Variants in MBOAT2 observed in about 807,000 individuals in gnomAD.
The protein encoded by MBOAT2 is membrane-bound glycerophospholipid O-acyltransferase 2.
MBOAT2 carries 28 observed loss-of-function variants against 63.4 expected under a neutral mutation model. That is an observed-to-expected ratio of 0.44 (90% confidence interval 0.33 to 0.61). The LOEUF is 0.61. Ranked by LOEUF, MBOAT2 falls within the 20% of genes least tolerant of loss-of-function variation. MBOAT2 has a pLI of 0.03. For missense variants in MBOAT2, 470 were observed against 605.8 expected (o/e 0.78, Z 2.35); for synonymous variants, 211 against 215.6 (o/e 0.98, Z 0.19).
intron 1 of MBOAT2, chr2:8,974,358 C>T (rs2103318766): frequency 2.2e-6 from 1 of 456,442 alleles, no homozygotes; most frequent in South Asian, 1.6e-5. Flanking sequence ...AAGATACTTG[C>T]TTTTCGCCTG....
At chr2:8,934,115 T>G (rs546924362) in intron 3 of MBOAT2, among the ~76,000 whole-genome samples, 1 of 152,336 alleles carries the variant, frequency 6.6e-6, no homozygotes, top group South Asian at 2.1e-4. Context: ...TATTACCTAT[T>G]ACCAAGTAAC....
At chr2:8,943,432 C>T (rs1668189266) in intron 2 of MBOAT2, among the ~76,000 whole-genome samples, 168 bp from the exon 3 acceptor site, 1 of 152,174 alleles carries the variant, frequency 6.6e-6, no homozygotes, top group Non-Finnish European at 1.5e-5. Context: ...AAGAGAGAGT[C>T]CCATACCACA....
chr2:8,883,890 A>T (rs1663334425), intron 5 of MBOAT2, among the ~76,000 whole-genome samples: 1 of 152,050 alleles, frequency 6.6e-6, no homozygotes, highest in African/African-American at 2.4e-5. Flanking sequence ...ATGTAAAAAG[A>T]AAACCATGCC....
At chr2:8,995,570 A>G (rs1355914866) in intron 1 of MBOAT2, among the ~76,000 whole-genome samples, 3 of 150,294 alleles carry the variant, frequency 2.0e-5, no homozygotes, top group Non-Finnish European at 4.4e-5. Flanking sequence ...AAATATAAAC[A>G]TTTTTTAAAA....
At chr2:8,994,695 G>A (rs1004133144) in intron 1 of MBOAT2, among the ~76,000 whole-genome samples, 1 of 152,206 alleles carries the variant, frequency 6.6e-6, no homozygotes, top group African/African-American at 2.4e-5. Flanking sequence ...CAAATACTTA[G>A]GGCATGTAGG....
At chr2:8,956,959 G>A (rs1669272333) in intron 2 of MBOAT2, among the ~76,000 whole-genome samples, 1 of 152,200 alleles carries the variant, frequency 6.6e-6, no homozygotes, top group South Asian at 2.1e-4. Context: ...AGACCACAGA[G>A]TGAATGGTGT....
At chr2:8,985,378 G>C (rs994818637) in intron 1 of MBOAT2, among the ~76,000 whole-genome samples, 1 of 152,102 alleles carries the variant, frequency 6.6e-6, no homozygotes, top group Non-Finnish European at 1.5e-5. Context: ...ATTCTTTAAA[G>C]ATAAAATGTG....
At chr2:8,955,175 A>T (rs930127147) in intron 2 of MBOAT2, among the ~76,000 whole-genome samples, 2 of 152,198 alleles carry the variant, frequency 1.3e-5, no homozygotes, top group African/African-American at 4.8e-5. Flanking sequence ...CTGCTGAGTC[A>T]CCAAGGAATG....
intron 2 of MBOAT2, among the ~76,000 whole-genome samples, chr2:8,946,891 C>T (rs1668456710): frequency 6.6e-6 from 1 of 152,140 alleles, no homozygotes; most frequent in South Asian, 2.1e-4. Flanking sequence ...AATTAATTAA[C>T]CTACAATGGC....
intron 3 of MBOAT2, among the ~76,000 whole-genome samples, chr2:8,933,530 C>A (rs1161755217): frequency 6.6e-6 from 1 of 152,098 alleles, no homozygotes; most frequent in Non-Finnish European, 1.5e-5. Flanking sequence ...TTTATAGAGG[C>A]AGGGTTTCAC....
At chr2:8,931,404 G>C (rs1667311958) in intron 3 of MBOAT2, among the ~76,000 whole-genome samples, 1 of 151,920 alleles carries the variant, frequency 6.6e-6, no homozygotes, top group Non-Finnish European at 1.5e-5. Flanking sequence ...AACCTCAGGA[G>C]GTTCATGTCC....
chr2:8,981,600 T>C (rs1268938282), intron 1 of MBOAT2, among the ~76,000 whole-genome samples: 1 of 151,952 alleles, frequency 6.6e-6, no homozygotes, highest in Non-Finnish European at 1.5e-5. Flanking sequence ...ATGAGCTGCT[T>C]CTGTGACAGG....
At chr2:8,969,501 G>A (rs1670280018) in intron 1 of MBOAT2, among the ~76,000 whole-genome samples, 2 of 152,106 alleles carry the variant, frequency 1.3e-5, no homozygotes, top group Admixed American at 1.3e-4. Flanking sequence ...TTAATGACAG[G>A]ATCAAATTCA....
intron 5 of MBOAT2, 121 bp from the exon 6 acceptor site, chr2:8,882,686 T>C (rs1027444133): frequency 1.2e-6 from 1 of 849,116 alleles, no homozygotes; most frequent in African/African-American, 1.7e-5. Context: ...CTAATTTTGA[T>C]ATAATGACTG....
At chr2:8,986,344 G>A (rs1327935258) in intron 1 of MBOAT2, among the ~76,000 whole-genome samples, 1 of 152,060 alleles carries the variant, frequency 6.6e-6, no homozygotes, top group Non-Finnish European at 1.5e-5. Flanking sequence ...GGGAGGCTGA[G>A]GCAGGCTGAT....
At chr2:8,883,478 T>C (rs1663301546) in intron 5 of MBOAT2, among the ~76,000 whole-genome samples, 1 of 152,214 alleles carries the variant, frequency 6.6e-6, no homozygotes, top group African/African-American at 2.4e-5. Flanking sequence ...ACACACATTT[T>C]ATGTATTTTA....
chr2:8,905,955 TTTTA>T (rs1024011377), intron 4 of MBOAT2, among the ~76,000 whole-genome samples: 1 of 152,206 alleles, frequency 6.6e-6, no homozygotes, highest in African/African-American at 2.4e-5. Flanking sequence ...GGCATTTTAT[TTTTA>T]TTTATTTCAT....
intron 2 of MBOAT2, among the ~76,000 whole-genome samples, chr2:8,955,194 CAT>C (rs1192107536): frequency 6.6e-6 from 1 of 152,230 alleles, no homozygotes; most frequent in Non-Finnish European, 1.5e-5. Context: ...TGGCTGGCTT[CAT>C]ACGTGCCTGG....
intron 2 of MBOAT2, among the ~76,000 whole-genome samples, chr2:8,951,393 T>TG (rs1668826187): frequency 6.6e-6 from 1 of 152,054 alleles, no homozygotes. Flanking sequence ...TTAGTAGAGA[T>TG]GGGGTCTTGC....
Sources: gnomAD v4.1 joint callset for allele counts (sites outside exome capture counted in the v4.1 genomes callset) on GRCh38, gnomAD v4.1.1 for gene constraint, MANE v1.5 for transcripts, NCBI Gene and HGNC (gene_info 2026-07-23, HGNC 2026-07-21) for gene names.